DMD: variants seen among roughly 807,000 people sequenced by gnomAD.
DMD encodes the protein mutant dystrophin.
DMD carries 63 observed loss-of-function variants against 330.1 expected under a neutral mutation model. That is an observed-to-expected ratio of 0.19 (90% confidence interval 0.16 to 0.24). The LOEUF (loss-of-function observed/expected upper bound fraction) is 0.24, where lower values mean the gene tolerates loss of function less well. DMD is among the 10% of genes least tolerant of loss of function. The probability of loss-of-function intolerance (pLI) is 1.00; values close to 1 mark genes in which losing one functional copy is unlikely to be tolerated. For missense variants in DMD, 3,344 were observed against 2,684.1 expected (o/e 1.25, Z -5.43); for synonymous variants, 1,223 against 959.8 (o/e 1.27, Z -5.07).
chrX:32,425,135 T>C (rs752165911), intron 29 of DMD, among the ~76,000 whole-genome samples: 4 of 111,774 alleles, frequency 3.6e-5, no homozygotes, highest in Admixed American at 9.6e-5. Context: ...TCTCCTGATT[T>C]TAAACGAATC....
intron 11 of DMD, among the ~76,000 whole-genome samples, chrX:32,627,626 C>A (rs1039587660): frequency 1.8e-5 from 2 of 110,390 alleles, no homozygotes; most frequent in African/African-American, 3.3e-5. Flanking sequence ...AGTTTGGCTC[C>A]GGGGCCTGCT....
At chrX:31,667,047 CATT>C (rs2081470786) in intron 53 of DMD, among the ~76,000 whole-genome samples, 1 of 111,826 alleles carries the variant, frequency 8.9e-6, no homozygotes, top group African/African-American at 3.2e-5. Flanking sequence ...GTTGTGCAAC[CATT>C]ATTATGATCT....
intron 44 of DMD, among the ~76,000 whole-genome samples, chrX:31,986,357 A>G (rs1246143070): frequency 8.9e-6 from 1 of 111,738 alleles, no homozygotes; most frequent in East Asian, 2.8e-4. Flanking sequence ...CAAAAGGTGT[A>G]AAACCCATTA....
At chrX:32,105,667 C>T (rs973609082) in intron 44 of DMD, among the ~76,000 whole-genome samples, 1 of 111,844 alleles carries the variant, frequency 8.9e-6, no homozygotes, top group African/African-American at 3.2e-5. Context: ...AACTGTCACA[C>T]AAAGCTCAGT....
At chrX:32,560,847 C>A (rs1055675378) in intron 16 of DMD, among the ~76,000 whole-genome samples, 1 of 111,814 alleles carries the variant, frequency 8.9e-6, no homozygotes, top group African/African-American at 3.3e-5. Flanking sequence ...CATTGATGGG[C>A]ATTTGGGTTG....
intron 59 of DMD, among the ~76,000 whole-genome samples, chrX:31,455,179 A>G (rs890986721): frequency 9.2e-6 from 1 of 108,826 alleles, no homozygotes; most frequent in Non-Finnish European, 1.9e-5. Flanking sequence ...GCTCTTATTC[A>G]TATACTTCTG....
intron 43 of DMD, among the ~76,000 whole-genome samples, chrX:32,233,616 T>TG (rs1361901392): frequency 3.0e-5 from 3 of 101,420 alleles, no homozygotes; most frequent in African/African-American, 1.1e-4. Flanking sequence ...TATTTATTTA[T>TG]TTATTTATTT....
At position 31,820,172 on chromosome X, in the gene DMD, T is replaced by C. The variant is rs1010627967; in HGVS notation, c.7201-89A>G. 20 of 757,753 alleles carry C rather than the reference T, an allele frequency of 2.6e-5. No individual in the cohort carries two copies. In the South Asian group the frequency reaches 4.2e-4, roughly 16 times the overall value. The allele number at this position is 757,753 out of a possible 1,213,427, so 62.4% of individuals were successfully genotyped here. ...CTTAATCCATTTGGTGAATATATTA[T>C]TGGATTTCTATTATATTTTACTTCT... On this transcript the variant is annotated intron_variant, in intron 49 of 78. Coordinates refer to ENST00000357033, the MANE Select transcript of DMD (RefSeq NM_004006.3).
intron 44 of DMD, among the ~76,000 whole-genome samples, chrX:32,141,983 G>A (rs890511872): frequency 9.0e-6 from 1 of 111,494 alleles, no homozygotes; most frequent in East Asian, 2.8e-4. Context: ...CTACACACGG[G>A]GGATATGCTG....
rs990490421 is a variant in DMD at position 31,520,637 on chromosome X, C to A, written c.8218-13184G>T. 1.3e-4 allele frequency among the ~76,000 whole-genome samples: 15 copies of A among 111,439 alleles called. 1 individual carries two copies. The highest frequency in any genetic ancestry group is 4.2e-4 in the African/African-American group (13 of 30,630). On this transcript the variant is annotated intron_variant, in intron 55 of 78. Coordinates refer to ENST00000357033, the MANE Select transcript of DMD (RefSeq NM_004006.3). Reference sequence around the variant, plus strand: ...CTTAGACCATCTCACTGAAGCAGGTCCAGGGTATTTTTTGTGTCCTTGTGC... The same window carrying A: ...CTTAGACCATCTCACTGAAGCAGGTACAGGGTATTTTTTGTGTCCTTGTGC...
At chrX:33,097,029 G>C (rs1356766734) in intron 1 of DMD, among the ~76,000 whole-genome samples, 1 of 111,344 alleles carries the variant, frequency 9.0e-6, no homozygotes, top group African/African-American at 3.3e-5. Flanking sequence ...AAATTATCGA[G>C]TTTGGTCTCA....
intron 42 of DMD, among the ~76,000 whole-genome samples, chrX:32,303,737 A>G (rs949947383): frequency 1.8e-5 from 2 of 110,069 alleles, no homozygotes; most frequent in Admixed American, 1.9e-4. Context: ...AAAGAGAAAT[A>G]AGAGAACCAA....
intron 1 of DMD, among the ~76,000 whole-genome samples, chrX:33,137,892 C>T (rs2047602475): frequency 2.7e-5 from 3 of 111,626 alleles, no homozygotes; most frequent in African/African-American, 9.8e-5. Context: ...ATGTTACATT[C>T]ATATTAAAAG....
At chrX:31,605,486 CT>C (rs973230104) in intron 55 of DMD, among the ~76,000 whole-genome samples, 6 of 110,900 alleles carry the variant, frequency 5.4e-5, no homozygotes, top group Admixed American at 2.9e-4. Context: ...TAAAAAAAAC[CT>C]TTTTTTTGGA....
At position 32,709,328 on chromosome X, in the gene DMD, G is replaced by A. The variant is rs149940777; in HGVS notation, c.650-10035C>T. Among the ~76,000 whole-genome samples the A allele has an allele frequency of 6.0e-3, 677 of 112,072 alleles. 3 individuals carry two copies. Among genetic ancestry groups the A allele is most frequent in the African/African-American group, 0.021 (644 of 30,880 alleles). On this transcript the variant is annotated intron_variant, in intron 7 of 78. Coordinates refer to ENST00000357033, the MANE Select transcript of DMD (RefSeq NM_004006.3). ...CAAAACCATGTAACACAAATATGAT[G>A]ATGATAAGGGATAACTTTATAAAAG... is the stretch of plus-strand genomic sequence containing the variant.
chrX:32,462,992 G>A (rs781274275), intron 25 of DMD, among the ~76,000 whole-genome samples: 87 of 111,130 alleles, frequency 7.8e-4, no homozygotes, highest in South Asian at 6.1e-3. Context: ...TAAATGTGTC[G>A]AAGAGGCCAA....
Position 32,291,533 on chromosome X carries a change from A to C in DMD, c.6118-3832T>G, listed in dbSNP as rs150266712. On this transcript the variant is annotated intron_variant, in intron 42 of 78. Transcript: ENST00000357033. ...CACATTTGAGCTGAAGTGGGAAGGA[A>C]GTTTAGGAAAACAGCTCAGCAGAAT... Among the ~76,000 whole-genome samples, 825 of 111,832 alleles carry C rather than the reference A, an allele frequency of 7.4e-3. 1 individual carries two copies. Among genetic ancestry groups the C allele is most frequent in the South Asian group, 0.011 (29 of 2,683 alleles).
In DMD at chrX:32,418,324, G is replaced by A. The variant is rs147929835; in HGVS notation, c.4072-6411C>T. On this transcript the variant is annotated intron_variant, in intron 29 of 78. Coordinates refer to ENST00000357033, the MANE Select transcript of DMD (RefSeq NM_004006.3). ...TAGACATCCAGATCATCTAGAATGT[G>A]GTCCAGCAGAAGACAGAAAATGGTT... Among the ~76,000 whole-genome samples, 829 of 111,192 alleles carry A rather than the reference G, an allele frequency of 7.5e-3. 7 individuals are homozygous for A. The highest frequency in any genetic ancestry group is 0.026 in the African/African-American group (790 of 30,608).
At chrX:31,957,453 G>A (rs924575921) in intron 45 of DMD, among the ~76,000 whole-genome samples, 1 of 111,773 alleles carries the variant, frequency 8.9e-6, no homozygotes, top group African/African-American at 3.3e-5. Flanking sequence ...GCTTGTGTTT[G>A]TGTGCATTCA....
Sources: allele counts gnomAD v4.1 joint callset (sites outside exome capture counted in the v4.1 genomes callset), GRCh38; gene constraint gnomAD v4.1.1; transcripts MANE v1.5; gene names NCBI Gene and HGNC (gene_info 2026-07-23, HGNC 2026-07-21).